Variants in ANKRD36C observed in about 807,000 individuals in gnomAD.
ANKRD36C encodes the protein ankyrin repeat domain-containing protein 36C.
ANKRD36C carries 61 observed loss-of-function variants against 276.4 expected under a neutral mutation model. The ratio of observed to expected loss-of-function variants is 0.22; its 90% CI spans 0.18 to 0.27. ANKRD36C has a LOEUF of 0.27. ANKRD36C is among the 10% of genes least tolerant of loss of function. ANKRD36C has a pLI of 1.00. For missense variants in ANKRD36C, 1,447 were observed against 2,032.3 expected (o/e 0.71, Z 5.54); for synonymous variants, 483 against 680.1 (o/e 0.71, Z 4.51).
At chr2:95,983,288 T>C (rs1239723684) in intron 3 of ANKRD36C, among the ~76,000 whole-genome samples, 1 of 151,850 alleles carries the variant, frequency 6.6e-6, no homozygotes, top group Non-Finnish European at 1.5e-5. Flanking sequence ...CCATGGGTTT[T>C]CTCTAGTAAT....
chr2:95,931,974 G>C (rs1232797346), intron 24 of ANKRD36C, among the ~76,000 whole-genome samples: 1 of 151,526 alleles, frequency 6.6e-6, no homozygotes, highest in Non-Finnish European at 1.5e-5. Context: ...CAACAAAGGG[G>C]TTCTAAATTG....
intron 17 of ANKRD36C, among the ~76,000 whole-genome samples, chr2:95,945,961 A>G (rs1678035663): frequency 6.6e-6 from 1 of 152,372 alleles, no homozygotes; most frequent in Admixed American, 6.5e-5. Flanking sequence ...AGCTTAAAAG[A>G]AAAGCTTGTG....
intron 58 of ANKRD36C, among the ~76,000 whole-genome samples, chr2:95,876,809 C>T (rs974479032): frequency 3.0e-5 from 4 of 135,560 alleles, no homozygotes; most frequent in Non-Finnish European, 3.1e-5. Flanking sequence ...CTGAAGATCT[C>T]ACCACTGCAC....
chr2:95,911,508 A>C (rs1676923106), intron 42 of ANKRD36C, among the ~76,000 whole-genome samples: 1 of 151,514 alleles, frequency 6.6e-6, no homozygotes, highest in Non-Finnish European at 1.5e-5. Context: ...AAGGAAGCCA[A>C]CGTAGTCATA....
chr2:95,851,873 T>C lies in ANKRD36C; in HGVS notation c.5220-86A>G, dbSNP rs1675299894. The stretch of plus-strand genomic sequence containing the variant: ...TCTAAACAAACTTCTGAAGGTATAA[T>C]TACACAAATTCTTAGCAATCACAAA... On this transcript the variant is annotated intron_variant, in intron 65 of 66. Coordinates refer to ENST00000456556, the Ensembl canonical transcript of ANKRD36C. 3.6e-6 allele frequency: 5 copies of C among 1,383,762 alleles called. No individual in the cohort carries two copies. The East Asian group carries it at 1.3e-4, about 35-fold the overall frequency. The allele number at this position is 1,383,762 out of a possible 1,614,324, so 85.7% of individuals were successfully genotyped here. A position where few individuals can be genotyped will look rare whatever the true frequency, so the allele number is the denominator to read the frequency against.
intron 44 of ANKRD36C, 32 bp from the exon 65 acceptor site, chr2:95,891,892 T>C: frequency 6.4e-7 from 1 of 1,554,664 alleles, no homozygotes; most frequent in Non-Finnish European, 8.7e-7. Flanking sequence ...TAATCACTCA[T>C]ATGTAAAAAT....
chr2:95,862,693 T>G (rs1278736256), intron 60 of ANKRD36C, among the ~76,000 whole-genome samples: 1 of 151,640 alleles, frequency 6.6e-6, no homozygotes, highest in Non-Finnish European at 1.5e-5. Flanking sequence ...GGTCTGAATG[T>G]TTGTCTTCCC....
exon 5 of ANKRD36C, chr2:95,980,780 G>A (rs1220788594): frequency 1.3e-6 from 2 of 1,588,252 alleles, no homozygotes; most frequent in South Asian, 2.3e-5. Context: ...ATGTATGAGG[G>A]CTGATCTAAA....
At chr2:95,963,968 T>TATAAATAA (rs1558658609) in intron 6 of ANKRD36C, among the ~76,000 whole-genome samples, 1 of 50,766 alleles carries the variant, frequency 2.0e-5, no homozygotes, top group Non-Finnish European at 3.6e-5. Flanking sequence ...AATATATATA[T>TATAAATAA]ATAAATATAT....
At chr2:95,889,925 A>G (rs1170974138) in intron 47 of ANKRD36C, 41 bp downstream of exon 67, 1 of 1,609,108 alleles carries the variant, frequency 6.2e-7, no homozygotes, top group Non-Finnish European at 8.5e-7. Flanking sequence ...TTCATAGACT[A>G]TACAGTTAAT....
chr2:95,938,491 T>A (rs1677779583), intron 22 of ANKRD36C, among the ~76,000 whole-genome samples: 2 of 152,122 alleles, frequency 1.3e-5, no homozygotes, highest in Admixed American at 1.3e-4. Flanking sequence ...TTTCTCTAGA[T>A]GAAGAAGAGA....
At chr2:95,921,930 T>C in intron 32 of ANKRD36C, 120 bp from the exon 33 acceptor site, 1 of 1,098,396 alleles carries the variant, frequency 9.1e-7, no homozygotes, top group Non-Finnish European at 1.3e-6. Flanking sequence ...TGATGTTTTC[T>C]ACTTTATGTC....
chr2:95,857,865 T>A (rs2463583), intron 61 of ANKRD36C, among the ~76,000 whole-genome samples: 2 of 142,440 alleles, frequency 1.4e-5, no homozygotes, highest in Non-Finnish European at 3.2e-5. Context: ...CTTTTGGGTC[T>A]GATAAGAAAC....
intron 34 of ANKRD36C, among the ~76,000 whole-genome samples, chr2:95,918,723 C>A (rs1037740587): frequency 6.6e-5 from 10 of 151,550 alleles, no homozygotes; most frequent in African/African-American, 2.2e-4. Flanking sequence ...AATATATTAG[C>A]CTCAATAAAA....
At chr2:95,972,062 G>A (rs1235104026) in intron 6 of ANKRD36C, among the ~76,000 whole-genome samples, 1 of 152,118 alleles carries the variant, frequency 6.6e-6, no homozygotes, top group Non-Finnish European at 1.5e-5. Context: ...ATTAAGTTGG[G>A]GCTGTAACTG....
chr2:95,986,987 T>C, intron 2 of ANKRD36C, 63 bp from the exon 3 acceptor site: 5 of 1,609,610 alleles, frequency 3.1e-6, no homozygotes, highest in Non-Finnish European at 4.2e-6. Context: ...CTCCGTAGGA[T>C]TTCCTACTAG....
Position 95,980,504 on chromosome 2 carries a change from C to T in ANKRD36C, c.731+144G>A, listed in dbSNP as rs574473258. On this transcript the variant is annotated intron_variant, in intron 5 of 66. Coordinates refer to ENST00000456556, the Ensembl canonical transcript of ANKRD36C. ...CTGGCTGATGAAGTTGCACAACTCTCGAAAACTTAAAAACTTGAAAATTTG... is the reference window on the plus strand; with the variant it reads ...CTGGCTGATGAAGTTGCACAACTCTTGAAAACTTAAAAACTTGAAAATTTG... 484 of 1,217,484 alleles carry T rather than the reference C, an allele frequency of 4.0e-4. 5 individuals are homozygous for T. In the African/African-American group the frequency reaches 6.0e-3, roughly 15 times the overall value. The allele number at this position is 1,217,484 out of a possible 1,614,324, so 75.4% of individuals were successfully genotyped here.
chr2:95,920,833 C>A (rs1289549114), intron 34 of ANKRD36C, among the ~76,000 whole-genome samples: 1 of 150,090 alleles, frequency 6.7e-6, no homozygotes, highest in Non-Finnish European at 1.5e-5. Flanking sequence ...GCTATTTTAT[C>A]CAAGAGATAG....
intron 16 of ANKRD36C, among the ~76,000 whole-genome samples, chr2:95,950,354 G>T (rs1342370805): frequency 6.6e-6 from 1 of 152,184 alleles, no homozygotes. Context: ...TCTAAAGACA[G>T]TTAATATATA....
Sources: gnomAD v4.1 joint callset for allele counts (sites outside exome capture counted in the v4.1 genomes callset) on GRCh38, gnomAD v4.1.1 for gene constraint, MANE v1.5 for transcripts, NCBI Gene and HGNC (gene_info 2026-07-23, HGNC 2026-07-21) for gene names.